Variants in NKAIN3 observed in about 807,000 individuals in gnomAD.
NKAIN3 encodes sodium/potassium transporting ATPase interacting 3.
NKAIN3 carries 25 observed loss-of-function variants against 30.2 expected under a neutral mutation model. That is an observed-to-expected ratio of 0.83 (90% CI 0.60 to 1.16). The LOEUF (loss-of-function observed/expected upper bound fraction) is 1.16, where lower values mean the gene tolerates loss of function less well. Ranked by LOEUF, NKAIN3 falls within the 50% of genes most tolerant of loss-of-function variation. NKAIN3 has a pLI of 0.00. For missense variants in NKAIN3, 225 were observed against 254.1 expected, an observed-to-expected ratio of 0.89 and a Z score of 0.78; for synonymous variants, 91 against 89.6, an observed-to-expected ratio of 1.02 and a Z score of -0.09.
At chr8:62,555,055 C>T (rs1809345151) in intron 1 of NKAIN3, among the ~76,000 whole-genome samples, 2 of 136,394 alleles carry the variant, frequency 1.5e-5, no homozygotes, top group African/African-American at 5.5e-5. Context: ...CACACACACA[C>T]ATGCCTAGCT....
At chr8:62,961,881 A>G (rs1015395320) in intron 6 of NKAIN3, among the ~76,000 whole-genome samples, 6 of 152,214 alleles carry the variant, frequency 3.9e-5, no homozygotes, top group African/African-American at 9.6e-5. Flanking sequence ...ATTTCATTAT[A>G]AATTACATTA....
At chr8:62,468,367 G>T (rs554340137) in intron 1 of NKAIN3, among the ~76,000 whole-genome samples, 1 of 152,310 alleles carries the variant, frequency 6.6e-6, no homozygotes, top group East Asian at 1.9e-4. Flanking sequence ...GATCAAGGAA[G>T]ATAAGTATGT....
intron 4 of NKAIN3, among the ~76,000 whole-genome samples, chr8:62,903,049 G>A (rs189738090): frequency 1.7e-4 from 26 of 152,284 alleles, no homozygotes; most frequent in Admixed American, 1.2e-3. Flanking sequence ...AGAGGCCAGC[G>A]AATCATTTGT....
chr8:62,562,323 G>A (rs1454234991), intron 1 of NKAIN3, among the ~76,000 whole-genome samples: 2 of 152,138 alleles, frequency 1.3e-5, no homozygotes, highest in Non-Finnish European at 2.9e-5. Context: ...TTGAGATGTT[G>A]AAGAGTAAAA....
chr8:62,547,339 A>G (rs531378144), intron 1 of NKAIN3, among the ~76,000 whole-genome samples: 2 of 152,098 alleles, frequency 1.3e-5, no homozygotes, highest in African/African-American at 2.4e-5. Context: ...CAGACATTCA[A>G]TTTTCTTCTA....
intron 5 of NKAIN3, among the ~76,000 whole-genome samples, chr8:62,938,490 A>C (rs917894973): frequency 1.3e-5 from 2 of 152,108 alleles, no homozygotes; most frequent in Non-Finnish European, 2.9e-5. Flanking sequence ...TCTCACACAG[A>C]GTCCACTTCA....
chr8:62,645,501 TA>T (rs1217063189), intron 3 of NKAIN3, among the ~76,000 whole-genome samples: 2 of 152,108 alleles, frequency 1.3e-5, no homozygotes, highest in African/African-American at 4.8e-5. Flanking sequence ...TAACTATCCT[TA>T]AAGTAATCAA....
intron 1 of NKAIN3, chr8:62,474,403 C>G (rs1477403831): frequency 6.6e-6 from 1 of 152,146 alleles, no homozygotes; most frequent in Non-Finnish European, 1.5e-5. Context: ...CTGGACAAAT[C>G]TGTGTGCTGG....
At chr8:62,573,608 A>G (rs1211845495) in intron 1 of NKAIN3, among the ~76,000 whole-genome samples, 1 of 151,650 alleles carries the variant, frequency 6.6e-6, no homozygotes, top group African/African-American at 2.4e-5. Context: ...ATTTATTTTC[A>G]TCCTATTCTT....
chr8:62,412,935 A>AAC (rs1804305247), intron 1 of NKAIN3, among the ~76,000 whole-genome samples: 3 of 150,480 alleles, frequency 2.0e-5, no homozygotes, highest in East Asian at 3.9e-4. Flanking sequence ...AAAAAAAAAA[A>AAC]CAGCAAAACA....
At chr8:62,780,741 T>A (rs1563558281) in intron 4 of NKAIN3, among the ~76,000 whole-genome samples, 1 of 152,084 alleles carries the variant, frequency 6.6e-6, no homozygotes, top group Admixed American at 6.6e-5. Flanking sequence ...CAATACCCTT[T>A]CATGAATAAA....
rs187895309 is a variant in NKAIN3, at chr8:62,990,527, T to C, written c.533-8704T>C. On this transcript the variant is annotated intron_variant, in intron 5 of 5. Transcript: ENST00000519049. ...AATTTCCACTAAATTCACCAATTTA[T>C]GATTTGTGAAATCTGATTTTACTTT... The C allele has an allele frequency of 3.7e-4, 123 of 336,674 alleles. 1 individual carries two copies. The highest frequency in any genetic ancestry group is 2.6e-3 in the African/African-American group (119 of 46,178). The allele number at this position is 336,674 out of a possible 1,614,324, so 20.9% of individuals were successfully genotyped here.
chr8:62,795,548 G>T (rs942949222), intron 4 of NKAIN3, among the ~76,000 whole-genome samples: 2 of 152,044 alleles, frequency 1.3e-5, no homozygotes, highest in African/African-American at 4.8e-5. Flanking sequence ...GCTATAGAAC[G>T]TTCAGCTAGA....
chr8:62,994,773 C>T (rs1046256642), intron 5 of NKAIN3, among the ~76,000 whole-genome samples: 1 of 152,154 alleles, frequency 6.6e-6, no homozygotes, highest in Non-Finnish European at 1.5e-5. Context: ...CAGGTGTCAT[C>T]TTAGGAAAAT....
chr8:62,545,705 T>C (rs1284646428), intron 1 of NKAIN3, among the ~76,000 whole-genome samples: 1 of 152,214 alleles, frequency 6.6e-6, no homozygotes, highest in Non-Finnish European at 1.5e-5. Flanking sequence ...TGACAGACAC[T>C]TGTCAGTTGT....
At chr8:62,256,662 G>C (rs981471659) in intron 1 of NKAIN3, among the ~76,000 whole-genome samples, 2 of 152,208 alleles carry the variant, frequency 1.3e-5, no homozygotes, top group Admixed American at 1.3e-4. Flanking sequence ...TAGGTCGTAG[G>C]CTGGGTCAGG....
chr8:62,840,089 A>G (rs1819486500), intron 4 of NKAIN3, among the ~76,000 whole-genome samples: 1 of 152,086 alleles, frequency 6.6e-6, no homozygotes, highest in South Asian at 2.1e-4. Context: ...GCATTCAATA[A>G]ATATTTTTGA....
At chr8:62,990,085 G>A (rs1274602838) in intron 5 of NKAIN3, 25 of 695,538 alleles carry the variant, frequency 3.6e-5, no homozygotes, top group Admixed American at 5.7e-5. Flanking sequence ...ACTTAATTTT[G>A]TTTGATTCAG....
At chr8:62,922,357 A>C (rs1238114650) in intron 5 of NKAIN3, among the ~76,000 whole-genome samples, 3 of 152,192 alleles carry the variant, frequency 2.0e-5, no homozygotes, top group Non-Finnish European at 4.4e-5. Flanking sequence ...AACTTTTTAA[A>C]ATCCTATCTC....
Sources: gnomAD v4.1 joint callset for allele counts (sites outside exome capture counted in the v4.1 genomes callset) on GRCh38, gnomAD v4.1.1 for gene constraint, MANE v1.5 for transcripts, NCBI Gene and HGNC (gene_info 2026-07-23, HGNC 2026-07-21) for gene names.